FNDC3A: variants seen among roughly 807,000 people sequenced by gnomAD.
FNDC3A encodes fibronectin type-III domain-containing protein 3A.
FNDC3A carries 32 observed loss-of-function variants against 148.9 expected under a neutral mutation model. That is an observed-to-expected ratio of 0.21 (90% CI 0.16 to 0.29). The LOEUF (loss-of-function observed/expected upper bound fraction) is 0.29. Ranked by LOEUF, FNDC3A falls within the 10% of genes least tolerant of loss-of-function variation. The probability of loss-of-function intolerance (pLI) is 1.00; values close to 1 mark genes in which losing one functional copy is unlikely to be tolerated. For missense variants in FNDC3A, 1,191 were observed against 1,452.8 expected (o/e 0.82, Z 2.93); for synonymous variants, 472 against 473.6 (o/e 1.00, Z 0.04).
intron 2 of FNDC3A, chr13:49,045,729 C>A: frequency 9.8e-7 from 1 of 1,015,254 alleles, no homozygotes; most frequent in South Asian, 1.6e-5. Context: ...TTCAAAAACC[C>A]TGTCAGGATG....
At chr13:49,111,350 A>G (rs1393455646) in intron 3 of FNDC3A, among the ~76,000 whole-genome samples, 1 of 152,208 alleles carries the variant, frequency 6.6e-6, no homozygotes, top group Non-Finnish European at 1.5e-5. Context: ...TGTTTATACA[A>G]TAGGGGTTTG....
At chr13:49,071,782 T>C (rs1049187730) in intron 2 of FNDC3A, among the ~76,000 whole-genome samples, 2 of 151,672 alleles carry the variant, frequency 1.3e-5, no homozygotes, top group Non-Finnish European at 2.9e-5. Flanking sequence ...CAGTTATTAA[T>C]GCCCTGCCAG....
rs1163305840 is a variant in FNDC3A, at chr13:49,145,899, G to A, written c.941G>A (p.Ser314Asn). ...TATGGTTATGAAGTTCTGATCTCAA[G>A]TACTGGAAAAGATGGGAAATACAAA... ...ELYGYEVLIS[S>N]TGKDGKYKSV... The change falls in exon 8 of 26, where the codon AGT becomes AAT. Residue 314 changes from serine (S) to asparagine (N), a missense_variant. Ser to Asn is a conservative substitution (Grantham distance 46). Transcript: ENST00000492622. 11 of 1,612,878 alleles carry A rather than the reference G, an allele frequency of 6.8e-6. No homozygotes were observed. Among genetic ancestry groups the A allele is most frequent in the Non-Finnish European group, 9.3e-6 (11 of 1,179,428 alleles).
At position 49,208,192 on chromosome 13, in the gene FNDC3A, G is replaced by A. The variant is rs1251799372; in HGVS notation, c.*797G>A. 2.6e-5 allele frequency: 4 copies of A among 152,144 alleles called. No individual in the cohort carries two copies. Among genetic ancestry groups the A allele is most frequent in the Non-Finnish European group, 4.4e-5 (3 of 68,014 alleles). The allele number at this position is 152,144 out of a possible 1,614,324, so 9.4% of individuals were successfully genotyped here. A position where few individuals can be genotyped will look rare whatever the true frequency, so the allele number is the denominator to read the frequency against. On this transcript the variant is annotated 3_prime_UTR_variant, in exon 26 of 26. Transcript: ENST00000492622. ...CAAACCTATTTGGCTTCTGTTTTGT[G>A]AACCTTTGAACTATATGTATGTGTA...
chr13:49,205,412 CTGTTT>C (rs1284735153), intron 25 of FNDC3A, among the ~76,000 whole-genome samples: 2 of 152,148 alleles, frequency 1.3e-5, no homozygotes, highest in East Asian at 1.9e-4. Flanking sequence ...ATACAACATT[CTGTTT>C]TAAGTGAATC....
intron 3 of FNDC3A, 93 bp downstream of exon 3, chr13:49,075,457 T>G (rs1311326466): frequency 3.0e-6 from 2 of 674,572 alleles, no homozygotes; most frequent in African/African-American, 3.7e-5. Context: ...GTTTCTTCCT[T>G]CTTTCTCACT....
Position 49,185,978 on chromosome 13 carries a change from C to T in FNDC3A, c.1632C>T (p.Asn544=), listed in dbSNP as rs1358518540. The change falls in exon 15 of 26, where the codon AAC becomes AAT. Residue 544 remains asparagine (N), a synonymous_variant. Transcript: ENST00000492622. ...TCTCATCACAGGTTATTGCTTACAA[C>T]TCAGAAGGTAAAAGTAATCCAAGTG... ...TKYKFKVIAY[N]SEGKSNPSEV... 23 of 1,611,276 alleles carry T rather than the reference C, an allele frequency of 1.4e-5. No homozygotes were observed. Among genetic ancestry groups the T allele is most frequent in the Non-Finnish European group, 2.0e-5 (23 of 1,178,000 alleles).
chr13:49,071,351 T>C (rs1877676470), intron 2 of FNDC3A, among the ~76,000 whole-genome samples: 1 of 152,154 alleles, frequency 6.6e-6, no homozygotes, highest in Non-Finnish European at 1.5e-5. Flanking sequence ...AATACAAATA[T>C]CTCTTTGATA....
chr13:49,013,596 ATGTACACGTGTATACATG>A (rs1267037774), intron 2 of FNDC3A, among the ~76,000 whole-genome samples: 5 of 151,568 alleles, frequency 3.3e-5, no homozygotes, highest in Admixed American at 6.6e-5. Flanking sequence ...GCAAGTATAG[ATGTACACGTGTATACATG>A]TGTACACGTG....
chr13:49,151,786 T>A (rs1399092999), intron 8 of FNDC3A, among the ~76,000 whole-genome samples: 1 of 152,146 alleles, frequency 6.6e-6, no homozygotes, highest in East Asian at 1.9e-4. Context: ...TGTCCAAGTG[T>A]TATCATTGTT....
chr13:49,098,544 C>T (rs1265167066), intron 3 of FNDC3A, among the ~76,000 whole-genome samples: 1 of 152,130 alleles, frequency 6.6e-6, no homozygotes, highest in African/African-American at 2.4e-5. Context: ...CTGCAGCTTT[C>T]TAAACAAGTG....
chr13:49,135,020 T>C (rs1182137904), intron 5 of FNDC3A, among the ~76,000 whole-genome samples: 1 of 151,584 alleles, frequency 6.6e-6, no homozygotes, highest in Non-Finnish European at 1.5e-5. Context: ...CACGCCCGGC[T>C]AATTTTTTGT....
intron 2 of FNDC3A, among the ~76,000 whole-genome samples, chr13:49,048,337 T>C (rs1875574018): frequency 6.6e-6 from 1 of 152,052 alleles, no homozygotes; most frequent in Admixed American, 6.6e-5. Flanking sequence ...ATGGTGGTAT[T>C]TTGATGGGAA....
At chr13:49,022,149 A>G (rs992604618) in intron 2 of FNDC3A, among the ~76,000 whole-genome samples, 3 of 152,190 alleles carry the variant, frequency 2.0e-5, no homozygotes, top group African/African-American at 7.2e-5. Flanking sequence ...ATACATGTTA[A>G]GCTTTCATGC....
intron 2 of FNDC3A, among the ~76,000 whole-genome samples, chr13:49,019,340 A>C (rs1486679230): frequency 1.3e-5 from 2 of 152,252 alleles, no homozygotes; most frequent in Non-Finnish European, 2.9e-5. Context: ...AAAGCGCAGT[A>C]GGCGGGTGGG....
At chr13:49,160,460 C>T (rs1457893557) in intron 8 of FNDC3A, among the ~76,000 whole-genome samples, 6 of 151,890 alleles carry the variant, frequency 4.0e-5, no homozygotes, top group African/African-American at 7.3e-5. Context: ...GGATTGGTGG[C>T]GATATCCCCT....
At chr13:49,098,188 A>T (rs1879651209) in intron 3 of FNDC3A, among the ~76,000 whole-genome samples, 1 of 152,120 alleles carries the variant, frequency 6.6e-6, no homozygotes, top group Non-Finnish European at 1.5e-5. Flanking sequence ...TTATGTAAAA[A>T]GAGAACCTAG....
In FNDC3A at chr13:49,207,635, C is replaced by G. The variant is rs1886715055; in HGVS notation, c.*240C>G. The G allele has an allele frequency of 5.4e-6, 2 of 371,656 alleles. No individual in the cohort carries two copies. Among genetic ancestry groups the G allele is most frequent in the East Asian group, 9.2e-5 (2 of 21,740 alleles). The allele number at this position is 371,656 out of a possible 1,614,324, so 23.0% of individuals were successfully genotyped here. On this transcript the variant is annotated 3_prime_UTR_variant, in exon 26 of 26. Transcript: ENST00000492622. ...GGGTGGGTCTTCTTTTTTTCTTTCC[C>G]TCTCTCTTTTTTTAACAAATGCCTT...
At chr13:49,100,874 A>G (rs776449196) in intron 3 of FNDC3A, among the ~76,000 whole-genome samples, 2 of 152,108 alleles carry the variant, frequency 1.3e-5, no homozygotes, top group African/African-American at 2.4e-5. Context: ...CCTCAAATCA[A>G]TCCAAAATAT....
Sources: gnomAD v4.1 joint callset for allele counts (sites outside exome capture counted in the v4.1 genomes callset) on GRCh38, gnomAD v4.1.1 for gene constraint, MANE v1.5 for transcripts, NCBI Gene and HGNC (gene_info 2026-07-23, HGNC 2026-07-21) for gene names.